TP53BP1: variants seen among roughly 807,000 people sequenced by gnomAD.
TP53BP1 encodes TP53-binding protein 1.
TP53BP1 carries 61 observed loss-of-function variants against 200.8 expected under a neutral mutation model. The observed-to-expected ratio is 0.30, with a 90% CI of 0.25 to 0.38. TP53BP1 has a LOEUF of 0.38. TP53BP1 is among the 10% of genes least tolerant of loss of function. TP53BP1 has a pLI of 1.00. For synonymous variants in TP53BP1, 822 were observed against 844.3 expected (o/e 0.97, Z 0.46); for missense variants, 2,144 against 2,371.9 (o/e 0.90, Z 2.00).
At position 43,452,456 on chromosome 15, in the gene TP53BP1, G is replaced by A. The variant is rs553530936; in HGVS notation, c.2716+3436C>T. On this transcript the variant is annotated intron_variant, in intron 12 of 27. Transcript: ENST00000382044. Reference sequence around the variant, plus strand: ...GCCTGTAGTCCCGGCTTCTCGGGGCGGGGGGCTGAAGTGGGAGGATCACCT... The same window carrying A: ...GCCTGTAGTCCCGGCTTCTCGGGGCAGGGGGCTGAAGTGGGAGGATCACCT... 4.6e-4 allele frequency among the ~76,000 whole-genome samples: 70 copies of A among 151,604 alleles called. 1 individual carries two copies. Among genetic ancestry groups the A allele is most frequent in the South Asian group, 4.2e-3 (20 of 4,776 alleles).
chr15:43,436,691 C>A (rs1302216584), intron 16 of TP53BP1, among the ~76,000 whole-genome samples: 2 of 151,508 alleles, frequency 1.3e-5, no homozygotes, highest in African/African-American at 4.8e-5. Flanking sequence ...CTATGTCACC[C>A]AGGCTCATCT....
intron 12 of TP53BP1, among the ~76,000 whole-genome samples, chr15:43,448,342 T>C (rs777897376): frequency 2.5e-4 from 38 of 152,150 alleles, no homozygotes; most frequent in Non-Finnish European, 4.7e-4. Flanking sequence ...AAAATAAGAA[T>C]TGCGCCAGAC....
chr15:43,438,387 C>G lies in TP53BP1; in HGVS notation c.3128G>C (p.Cys1043Ser), dbSNP rs1181917147. The G allele has an allele frequency of 6.2e-7, 1 of 1,613,222 alleles. No individual in the cohort carries two copies. The highest frequency in any genetic ancestry group is 1.3e-5 in the African/African-American group (1 of 74,892). Residue 1043 changes from cysteine (C) to serine (S), a missense_variant, in exon 16 of 28, where the codon TGT (cysteine) becomes TCT (serine). Cys to Ser is a moderately radical substitution (Grantham distance 112). Transcript: ENST00000382044. ...SPQKTMSVLS[C>S]ICEARQENEA... The stretch of plus-strand genomic sequence containing the variant: ...ATTCTCTTGCCTGGCTTCACAGATA[C>G]AGCTCAACACAGACATGGTCTTCTG...
chr15:43,427,851 G>T (rs1005153817), intron 18 of TP53BP1, among the ~76,000 whole-genome samples, 165 bp downstream of exon 18: 2 of 151,942 alleles, frequency 1.3e-5, no homozygotes, highest in African/African-American at 4.8e-5. Context: ...CAACTGCAAG[G>T]GAGGCTGAGG....
Position 43,415,630 on chromosome 15 carries a change from C to T in TP53BP1, c.5053G>A (p.Ala1685Thr). 1 of 1,614,204 alleles carries T rather than the reference C, an allele frequency of 6.2e-7. No individual in the cohort carries two copies. Among genetic ancestry groups the T allele is most frequent in the Non-Finnish European group, 8.5e-7 (1 of 1,180,032 alleles). The change falls in exon 23 of 28, where the codon GCC becomes ACC. Residue 1685 changes from alanine (A) to threonine (T), a missense_variant. Ala to Thr is a moderately conservative substitution (Grantham distance 58, BLOSUM62 0). Around this residue, in one of 4 missense-constraint regions of TP53BP1, gnomAD observed 334 missense variants for 453.4 expected, o/e 0.74. Transcript: ENST00000382044. ...LITSEEERSP[A>T]KRGRKSATVK... ...GTGGCAGACTTGCGACCTCGCTTGGCAGGGGACCGTTCCTCTTCAGAAGTG... is the reference window on the plus strand; with the variant it reads ...GTGGCAGACTTGCGACCTCGCTTGGTAGGGGACCGTTCCTCTTCAGAAGTG...
intron 23 of TP53BP1, among the ~76,000 whole-genome samples, chr15:43,414,703 G>A (rs2142973127): frequency 6.6e-6 from 1 of 151,818 alleles, no homozygotes; most frequent in Admixed American, 6.6e-5. Flanking sequence ...AGAGCATACT[G>A]AAATATGACT....
chr15:43,508,920 G>C (rs898965202), intron 1 of TP53BP1, among the ~76,000 whole-genome samples: 4 of 152,142 alleles, frequency 2.6e-5, no homozygotes, highest in African/African-American at 7.2e-5. Context: ...CATCTAATCA[G>C]TGTGTGATCC....
At chr15:43,461,017 A>G (rs1231351023) in intron 11 of TP53BP1, among the ~76,000 whole-genome samples, 1 of 152,078 alleles carries the variant, frequency 6.6e-6, no homozygotes, top group Non-Finnish European at 1.5e-5. Flanking sequence ...AGGAAAAAAA[A>G]AAAAAAGGTT....
chr15:43,499,857 G>T (rs1342298414), intron 1 of TP53BP1, among the ~76,000 whole-genome samples: 1 of 152,202 alleles, frequency 6.6e-6, no homozygotes, highest in Non-Finnish European at 1.5e-5. Context: ...TAGCTTCAAA[G>T]AATTTACAAT....
At chr15:43,413,533 CAA>C (rs980060649) in intron 23 of TP53BP1, among the ~76,000 whole-genome samples, 199 bp from the exon 24 acceptor site, 7 of 152,094 alleles carry the variant, frequency 4.6e-5, no homozygotes, top group African/African-American at 1.7e-4. Context: ...AAATTTACAA[CAA>C]AGAGAAATTT....
At chr15:43,413,705 T>C (rs2045189749) in intron 23 of TP53BP1, among the ~76,000 whole-genome samples, 1 of 151,782 alleles carries the variant, frequency 6.6e-6, no homozygotes, top group South Asian at 2.1e-4. Flanking sequence ...GAGTGAAAAA[T>C]GTTTGGAAAT....
At position 43,404,403 on chromosome 15, in the gene TP53BP1, C is replaced by A; in HGVS notation, c.*2980G>T. Reference sequence around the variant, plus strand: ...GAAGTGGAATGACAGCTGAGTCCTTCTCTCTGCAGGGCTTTAGCCGCCAGT... The same window carrying A: ...GAAGTGGAATGACAGCTGAGTCCTTATCTCTGCAGGGCTTTAGCCGCCAGT... On this transcript the variant is annotated 3_prime_UTR_variant, in exon 28 of 28. Transcript: ENST00000382044. The A allele has an allele frequency of 6.2e-7, 1 of 1,614,020 alleles. No homozygotes were observed. The highest frequency in any genetic ancestry group is 1.1e-5 in the South Asian group (1 of 91,052).
intron 4 of TP53BP1, among the ~76,000 whole-genome samples, chr15:43,486,145 G>A (rs1481895441): frequency 6.6e-6 from 1 of 152,098 alleles, no homozygotes; most frequent in Non-Finnish European, 1.5e-5. Context: ...GGGAGGCTGA[G>A]GGGGGTGGAT....
chr15:43,405,184 T>C lies in TP53BP1; in HGVS notation c.*2199A>G, dbSNP rs1334272875. ...GGGAAAGCATGACACTTAATAAGGCTCTTTTTCTCTTTTGTAGTTTCGGGA... is the reference window on the plus strand; with the variant it reads ...GGGAAAGCATGACACTTAATAAGGCCCTTTTTCTCTTTTGTAGTTTCGGGA... On this transcript the variant is annotated 3_prime_UTR_variant, in exon 28 of 28. Coordinates refer to ENST00000382044, the MANE Select transcript of TP53BP1 (RefSeq NM_001141980.3). 1.1e-5 allele frequency: 18 copies of C among 1,613,998 alleles called. No homozygotes were observed. Among genetic ancestry groups the C allele is most frequent in the Non-Finnish European group, 1.4e-5 (17 of 1,179,976 alleles).
At chr15:43,451,306 G>C (rs189921286) in intron 12 of TP53BP1, among the ~76,000 whole-genome samples, 2 of 151,824 alleles carry the variant, frequency 1.3e-5, no homozygotes, top group Non-Finnish European at 1.5e-5. Context: ...TTAGCATTAG[G>C]TATATCTCTC....
chr15:43,408,308 T>TC, intron 26 of TP53BP1: 1 of 477,798 alleles, frequency 2.1e-6, no homozygotes, highest in Non-Finnish European at 3.8e-6. Flanking sequence ...TGAGACCCCA[T>TC]CTCTACAAAA....
chr15:43,421,750 A>G, intron 19 of TP53BP1, 105 bp downstream of exon 19: 1 of 1,455,526 alleles, frequency 6.9e-7, no homozygotes, highest in Middle Eastern at 2.5e-4. Context: ...TTTATCTTTA[A>G]TGGAGGATGG....
intron 4 of TP53BP1, among the ~76,000 whole-genome samples, chr15:43,491,194 C>T (rs2079117199): frequency 6.6e-6 from 1 of 152,018 alleles, no homozygotes; most frequent in African/African-American, 2.4e-5. Flanking sequence ...AACTCTCCTG[C>T]CTCAGCCTCC....
At chr15:43,509,406 T>C (rs2079258531) in intron 1 of TP53BP1, among the ~76,000 whole-genome samples, 1 of 152,126 alleles carries the variant, frequency 6.6e-6, no homozygotes, top group South Asian at 2.1e-4. Flanking sequence ...AGGATTGCTG[T>C]AAAGTTTTTT....
Sources: allele counts gnomAD v4.1 joint callset (sites outside exome capture counted in the v4.1 genomes callset), GRCh38; gene constraint gnomAD v4.1.1; regional missense constraint gnomAD v4.1.1; transcripts MANE v1.5; gene names NCBI Gene and HGNC (gene_info 2026-07-23, HGNC 2026-07-21).